EXOC2: variants seen among roughly 807,000 people sequenced by gnomAD.
EXOC2 encodes the protein exocyst complex component 2.
In EXOC2, 70 loss-of-function variants were observed where a neutral mutation model predicts 131.8. The ratio of observed to expected loss-of-function variants is 0.53; its 90% CI spans 0.44 to 0.65. The LOEUF is 0.65. Ranked by LOEUF, EXOC2 falls within the 30% of genes least tolerant of loss-of-function variation. The pLI is 0.00. For synonymous variants in EXOC2, 411 were observed against 398.4 expected (o/e 1.03, Z -0.38); for missense variants, 923 against 1,108.6 (o/e 0.83, Z 2.38).
At chr6:503,037 C>T (rs957255137) in intron 23 of EXOC2, among the ~76,000 whole-genome samples, 4 of 152,210 alleles carry the variant, frequency 2.6e-5, no homozygotes, top group African/African-American at 9.7e-5. Context: ...GAGCTGCCAT[C>T]ATAACCTCCC....
intron 22 of EXOC2, among the ~76,000 whole-genome samples, chr6:546,614 C>T (rs1756875201): frequency 6.6e-6 from 1 of 152,188 alleles, no homozygotes; most frequent in South Asian, 2.1e-4. Flanking sequence ...TCTTCCTCAG[C>T]CTAGTCCACA....
chr6:648,536 A>G (rs1762682850), intron 1 of EXOC2, among the ~76,000 whole-genome samples: 1 of 152,182 alleles, frequency 6.6e-6, no homozygotes, highest in Non-Finnish European at 1.5e-5. Context: ...TCTTTCTTAT[A>G]TAAATACACT....
chr6:625,451 T>A (rs1262779509), intron 4 of EXOC2, among the ~76,000 whole-genome samples: 4 of 152,086 alleles, frequency 2.6e-5, no homozygotes, highest in East Asian at 1.9e-4. Context: ...ATATCTCTCG[T>A]AGCTTTCAAT....
intron 1 of EXOC2, among the ~76,000 whole-genome samples, chr6:677,582 C>T (rs1764202674): frequency 6.6e-6 from 1 of 152,062 alleles, no homozygotes; most frequent in Non-Finnish European, 1.5e-5. Flanking sequence ...GATTCTCCTG[C>T]CTCAGCCTCC....
At chr6:518,890 T>A (rs1347670648) in intron 23 of EXOC2, among the ~76,000 whole-genome samples, 1 of 152,188 alleles carries the variant, frequency 6.6e-6, no homozygotes, top group Non-Finnish European at 1.5e-5. Flanking sequence ...TCCTAGGGAT[T>A]GATAGTTTTC....
chr6:618,182 G>A (rs1761108027), intron 5 of EXOC2, among the ~76,000 whole-genome samples: 1 of 152,218 alleles, frequency 6.6e-6, no homozygotes, highest in Non-Finnish European at 1.5e-5. Context: ...CCTGTACTAG[G>A]TAAGAAGACA....
intron 4 of EXOC2, among the ~76,000 whole-genome samples, chr6:626,018 C>T (rs1023400548): frequency 6.6e-6 from 1 of 152,126 alleles, no homozygotes; most frequent in Non-Finnish European, 1.5e-5. Context: ...TCTTACTTAA[C>T]ATGAACCTGT....
chr6:551,305 C>T (rs1757131205), intron 21 of EXOC2, among the ~76,000 whole-genome samples: 1 of 152,208 alleles, frequency 6.6e-6, no homozygotes, highest in African/African-American at 2.4e-5. Flanking sequence ...ACCTTCCTTA[C>T]CACAGCTGCT....
intron 1 of EXOC2, among the ~76,000 whole-genome samples, chr6:668,870 T>A (rs889722355): frequency 1.3e-4 from 20 of 152,178 alleles, no homozygotes; most frequent in African/African-American, 4.1e-4. Context: ...AACTGTATTG[T>A]TTTTGTTGTT....
intron 1 of EXOC2, among the ~76,000 whole-genome samples, chr6:670,480 C>CT (rs909282574): frequency 6.6e-6 from 1 of 150,704 alleles, no homozygotes; most frequent in African/African-American, 2.4e-5. Flanking sequence ...GAACTCTTTA[C>CT]TTTTTTTAAT....
In EXOC2 at chr6:656,492, G is replaced by A. The variant is rs568969254; in HGVS notation, c.-43-18631C>T. On this transcript the variant is annotated intron_variant, in intron 1 of 27. Coordinates refer to ENST00000230449, the MANE Select transcript of EXOC2 (RefSeq NM_018303.6). ...GCAGGCGGATGCTCGCGTCGGAGGCGCGCAGGCTGGGCGGCAGGCAGTCCC... is the reference window on the plus strand; with the variant it reads ...GCAGGCGGATGCTCGCGTCGGAGGCACGCAGGCTGGGCGGCAGGCAGTCCC... 9 of 1,607,962 alleles carry A rather than the reference G, an allele frequency of 5.6e-6. No homozygotes were observed. The African/African-American group carries it at 1.2e-4, about 21-fold the overall frequency.
At chr6:622,274 T>A (rs11964302) in intron 4 of EXOC2, among the ~76,000 whole-genome samples, 43 of 152,210 alleles carry the variant, frequency 2.8e-4, no homozygotes, top group African/African-American at 9.9e-4. Flanking sequence ...GCTACTGGTA[T>A]CAACTAAGTT....
intron 22 of EXOC2, among the ~76,000 whole-genome samples, chr6:541,221 A>C (rs989472229): frequency 2.6e-5 from 4 of 152,234 alleles, no homozygotes; most frequent in African/African-American, 7.2e-5. Context: ...ATTTAAAATC[A>C]TACTTCTAGC....
At chr6:692,459 C>T (rs1240148762) in intron 1 of EXOC2, among the ~76,000 whole-genome samples, 2 of 152,224 alleles carry the variant, frequency 1.3e-5, no homozygotes, top group African/African-American at 4.8e-5. Context: ...CTCAAGCACT[C>T]TGAGCCGCCG....
intron 1 of EXOC2, among the ~76,000 whole-genome samples, chr6:642,125 C>T (rs1762383589): frequency 1.3e-5 from 2 of 152,124 alleles, no homozygotes; most frequent in South Asian, 4.1e-4. Flanking sequence ...TGTAATTCAA[C>T]CTCTTTGCAC....
At chr6:573,336 C>A (rs1237729041) in intron 12 of EXOC2, among the ~76,000 whole-genome samples, 1 of 152,162 alleles carries the variant, frequency 6.6e-6, no homozygotes, top group African/African-American at 2.4e-5. Flanking sequence ...GACCCACTCA[C>A]CATGTCCTCT....
At chr6:607,483 C>T (rs1047135517) in intron 7 of EXOC2, among the ~76,000 whole-genome samples, 15 of 152,236 alleles carry the variant, frequency 9.9e-5, no homozygotes, top group Admixed American at 5.2e-4. Context: ...GCGTGAGCTA[C>T]GACTGCCACA....
intron 10 of EXOC2, among the ~76,000 whole-genome samples, chr6:595,567 C>T (rs1290251649): frequency 6.6e-6 from 1 of 151,992 alleles, no homozygotes; most frequent in Non-Finnish European, 1.5e-5. Flanking sequence ...TTTGGCACTA[C>T]CACCTTTTAA....
intron 1 of EXOC2, chr6:656,891 G>C (rs201555162): frequency 1.9e-6 from 3 of 1,597,456 alleles, no homozygotes; most frequent in South Asian, 1.1e-5. Context: ...TGCCGCTGAC[G>C]TGAATGAACA....
Sources: allele counts gnomAD v4.1 joint callset (sites outside exome capture counted in the v4.1 genomes callset), GRCh38; gene constraint gnomAD v4.1.1; transcripts MANE v1.5; gene names NCBI Gene and HGNC (gene_info 2026-07-23, HGNC 2026-07-21).